The following MEGF10 variants were observed in gnomAD, a reference collection of about 807,000 sequenced individuals.
MEGF10 encodes multiple epidermal growth factor-like domains protein 10.
MEGF10 carries 86 observed loss-of-function variants against 147.5 expected under a neutral mutation model. That is an observed-to-expected ratio of 0.58 (90% CI 0.49 to 0.70). The LOEUF is 0.70. Ranked by LOEUF, MEGF10 falls within the 30% of genes least tolerant of loss-of-function variation. The pLI is 0.00. For synonymous variants in MEGF10, 478 were observed against 525.5 expected (o/e 0.91, Z 1.24); for missense variants, 1,329 against 1,487.3 (o/e 0.89, Z 1.75).
intron 8 of MEGF10, 124 bp downstream of exon 8, chr5:127,402,806 A>G (rs1415314038): frequency 5.3e-6 from 5 of 946,738 alleles, no homozygotes; most frequent in Non-Finnish European, 7.7e-6. Context: ...AGAAGTAGCT[A>G]TACAGCCTCA....
chr5:127,438,332 A>T, intron 16 of MEGF10, 107 bp from the exon 17 acceptor site: 1 of 1,284,620 alleles, frequency 7.8e-7, no homozygotes, highest in East Asian at 2.3e-5. Context: ...CCTGATGTAC[A>T]CTGCTAACCT....
chr5:127,366,117 G>A (rs1008202217), intron 4 of MEGF10, among the ~76,000 whole-genome samples: 1 of 152,056 alleles, frequency 6.6e-6, no homozygotes, highest in Non-Finnish European at 1.5e-5. Context: ...GAATAGGGGA[G>A]GTAAGACCAA....
intron 13 of MEGF10, among the ~76,000 whole-genome samples, chr5:127,432,956 A>T (rs931278747): frequency 1.3e-4 from 20 of 152,152 alleles, no homozygotes; most frequent in Non-Finnish European, 1.9e-4. Flanking sequence ...CATTTTATGG[A>T]ACTGTTCATT....
intron 5 of MEGF10, among the ~76,000 whole-genome samples, chr5:127,378,275 T>G (rs1357785667): frequency 6.6e-6 from 1 of 152,174 alleles, no homozygotes; most frequent in Non-Finnish European, 1.5e-5. Flanking sequence ...TTAACAGGTA[T>G]TCGCCAGTGC....
the MEGF10 span, among the ~76,000 whole-genome samples, chr5:127,249,048 T>C: frequency 2.0e-5 from 3 of 152,024 alleles, no homozygotes; most frequent in African/African-American, 4.8e-5. Flanking sequence ...ATGGTAAACG[T>C]GGGCAAATAT....
At chr5:127,240,145 C>T in the MEGF10 span, among the ~76,000 whole-genome samples, 1 of 152,328 alleles carries the variant, frequency 6.6e-6, no homozygotes, top group African/African-American at 2.4e-5. Flanking sequence ...CCAGTCTTCC[C>T]TACACCTATG....
chr5:127,417,817 G>A lies in MEGF10; in HGVS notation c.1305+5G>A. The A allele has an allele frequency of 1.9e-6, 3 of 1,613,546 alleles. No individual in the cohort carries two copies. Among genetic ancestry groups the A allele is most frequent in the Non-Finnish European group, 2.5e-6 (3 of 1,179,918 alleles). On this transcript the variant is annotated splice_donor_5th_base_variant and intron_variant, in intron 10 of 24. Transcript: ENST00000503335. ...ACCTGTGCCCCAGGATTCAAAGTGA[G>A]TGACTAGGGCTCTGGAGGAAGGAGA...
In MEGF10 at chr5:127,435,481, G is replaced by C. The variant is rs1013163272; in HGVS notation, c.2096G>C (p.Cys699Ser). ...QCYPGWIGSDCSQPCPPAHWG... is the reference protein window; with the variant it reads ...QCYPGWIGSDSSQPCPPAHWG... ...TACCCCGGTTGGATTGGCAGTGACT[G>C]CTCTCAACGTAAGTCTTGTTTGAGA... Residue 699 changes from cysteine (C) to serine (S), a missense_variant, in exon 16 of 25, where the codon TGC (cysteine) becomes TCC (serine). Physicochemically the swap from Cys to Ser is moderately radical, Grantham distance 112. Transcript: ENST00000503335. The C allele has an allele frequency of 2.5e-6, 4 of 1,613,190 alleles. No homozygotes were observed. The highest frequency in any genetic ancestry group is 3.4e-6 in the Non-Finnish European group (4 of 1,179,692).
Position 127,460,836 on chromosome 5 carries a change from G to C in MEGF10, c.*3518G>C, listed in dbSNP as rs529079347. ...TTTAAGAGAGATTTTGGTCTTAAAG[G>C]CTTCACATCATGAAAGTGTACATGC... On this transcript the variant is annotated 3_prime_UTR_variant, in exon 25 of 25. Coordinates refer to ENST00000503335, the MANE Select transcript of MEGF10 (RefSeq NM_001256545.2). 1.1e-5 allele frequency: 1 copy of C among 87,198 alleles called. No individual in the cohort carries two copies. Among genetic ancestry groups the C allele is most frequent in the African/African-American group, 3.0e-5 (1 of 33,394 alleles). 5.4% of individuals were successfully genotyped at this position (87,198 alleles called of 1,614,324 possible). A position where few individuals can be genotyped will look rare whatever the true frequency, so the allele number is the denominator to read the frequency against.
intron 1 of MEGF10, among the ~76,000 whole-genome samples, chr5:127,323,996 C>T (rs1008684440): frequency 6.6e-6 from 1 of 152,026 alleles, no homozygotes; most frequent in Admixed American, 6.6e-5. Flanking sequence ...CCTTCTATGA[C>T]CTAGTTTGGA....
At chr5:127,370,522 T>C (rs1437777857) in intron 5 of MEGF10, among the ~76,000 whole-genome samples, 1 of 152,224 alleles carries the variant, frequency 6.6e-6, no homozygotes, top group Non-Finnish European at 1.5e-5. Context: ...GGGAGACTTA[T>C]CTGTAATAAA....
chr5:127,435,633 T>A, intron 16 of MEGF10, 144 bp downstream of exon 16: 1 of 880,896 alleles, frequency 1.1e-6, no homozygotes, highest in South Asian at 2.6e-5. Flanking sequence ...AATTCTTTTT[T>A]TAAAATTCTT....
chr5:127,321,838 C>T (rs1476187104), intron 1 of MEGF10, among the ~76,000 whole-genome samples: 1 of 152,090 alleles, frequency 6.6e-6, no homozygotes, highest in Non-Finnish European at 1.5e-5. Flanking sequence ...TCCCTGTCCT[C>T]CCCCTACCAT....
chr5:127,357,588 AAAATAAATAAATAAAT>A (rs71573990), intron 4 of MEGF10, among the ~76,000 whole-genome samples: 13 of 132,604 alleles, frequency 9.8e-5, no homozygotes, highest in East Asian at 6.5e-4. Flanking sequence ...ACCCTGCCTC[AAAATAAATAAATAAAT>A]AAATAAATAA....
intron 1 of MEGF10, among the ~76,000 whole-genome samples, chr5:127,293,369 G>A (rs908582602): frequency 6.6e-6 from 1 of 152,212 alleles, no homozygotes; most frequent in African/African-American, 2.4e-5. Context: ...TATACCAGAA[G>A]CATGAAGTGG....
the MEGF10 span, among the ~76,000 whole-genome samples, chr5:127,244,312 G>A: frequency 6.6e-6 from 1 of 150,840 alleles, no homozygotes; most frequent in East Asian, 1.9e-4. Context: ...TAGTATTATT[G>A]GGCTATCGTG....
intron 4 of MEGF10, among the ~76,000 whole-genome samples, chr5:127,362,219 A>G (rs1274550899): frequency 6.6e-6 from 1 of 151,770 alleles, no homozygotes. Flanking sequence ...TGAATTGAAC[A>G]TGTTATCATT....
chr5:127,417,947 A>C, intron 10 of MEGF10, 135 bp downstream of exon 10: 1 of 909,466 alleles, frequency 1.1e-6, no homozygotes, highest in Non-Finnish European at 1.6e-6. Flanking sequence ...GAGAGAGAAA[A>C]TGAGGGGAAA....
At position 127,331,370 on chromosome 5, in the gene MEGF10, G is replaced by A. The variant is rs1561575628; in HGVS notation, c.62G>A (p.Gly21Glu). ...TGTTTATTGTTATGCCACTGGATTGGGACAGCATCACCTCTGAATCTTGAA... is the reference window on the plus strand; with the variant it reads ...TGTTTATTGTTATGCCACTGGATTGAGACAGCATCACCTCTGAATCTTGAA... ...FICLLLCHWI[G>E]TASPLNLEDP... The change falls in exon 2 of 25, where the codon GGG becomes GAG. Residue 21 changes from glycine to glutamate, a missense_variant. By Grantham distance (98) the Gly-to-Glu change is moderately conservative. Around this residue, in one of 3 missense-constraint regions of MEGF10, gnomAD observed 980 missense variants for 1,085.9 expected, o/e 0.90. Coordinates refer to ENST00000503335, the MANE Select transcript of MEGF10 (RefSeq NM_001256545.2). 1.9e-6 allele frequency: 3 copies of A among 1,613,244 alleles called. No homozygotes were observed. The highest frequency in any genetic ancestry group is 2.5e-6 in the Non-Finnish European group (3 of 1,179,484).
Sources: gnomAD v4.1 joint callset for allele counts (sites outside exome capture counted in the v4.1 genomes callset) on GRCh38, gnomAD v4.1.1 for gene constraint, gnomAD v4.1.1 regional missense constraint, MANE v1.5 for transcripts, NCBI Gene and HGNC (gene_info 2026-07-23, HGNC 2026-07-21) for gene names.